FRMPD1: variants seen among roughly 807,000 people sequenced by gnomAD.
FRMPD1 encodes FERM and PDZ domain containing 1.
A neutral mutation model predicts 117.8 loss-of-function variants in FRMPD1; 76 were observed. That is an observed-to-expected ratio of 0.65 (90% confidence interval 0.54 to 0.78). FRMPD1 has a LOEUF of 0.78. Among genes scored for constraint, FRMPD1 ranks in the 30% least tolerant of loss-of-function variants. The pLI is 0.00. For synonymous variants in FRMPD1, 783 were observed against 770.4 expected (o/e 1.02, Z -0.27); for missense variants, 1,786 against 1,964.5 (o/e 0.91, Z 1.72).
At chr9:37,638,010 T>TTCTCTCTC in the FRMPD1 span, among the ~76,000 whole-genome samples, 4 of 124,198 alleles carry the variant, frequency 3.2e-5, no homozygotes, top group Non-Finnish European at 5.1e-5. Flanking sequence ...CTTTCTTTCT[T>TTCTCTCTC]TCTTTCTTTC....
chr9:37,625,817 T>C, the FRMPD1 span, among the ~76,000 whole-genome samples: 1 of 152,230 alleles, frequency 6.6e-6, no homozygotes, highest in Non-Finnish European at 1.5e-5. Context: ...GTGTCCACAG[T>C]TTGCTCCTCC....
At chr9:37,720,844 G>A (rs973447643) in intron 6 of FRMPD1, among the ~76,000 whole-genome samples, 3 of 152,338 alleles carry the variant, frequency 2.0e-5, no homozygotes, top group African/African-American at 7.2e-5. Context: ...CCGAGATTGC[G>A]CCACTGCGCT....
rs112433563 is a variant in FRMPD1 at position 37,709,360 on chromosome 9, C to T, written c.362+859C>T. Among the ~76,000 whole-genome samples, 26 of 114,720 alleles carry T rather than the reference C, an allele frequency of 2.3e-4. No homozygotes were observed. The East Asian group carries it at 5.8e-3, about 26-fold the overall frequency. 75.3% of individuals were successfully genotyped at this position (114,720 alleles called of 152,430 possible). A position where few individuals can be genotyped will look rare whatever the true frequency, so the allele number is the denominator to read the frequency against. On this transcript the variant is annotated intron_variant, in intron 4 of 15. Coordinates refer to ENST00000377765, the MANE Select transcript of FRMPD1 (RefSeq NM_014907.3). The stretch of plus-strand genomic sequence containing the variant: ...GGGGTGGTATTAATTGTTTTTTTTT[C>T]CCTTTTTTTTTGAGATGGGGACTTG...
chr9:37,622,456 C>T, the FRMPD1 span, among the ~76,000 whole-genome samples: 1 of 152,234 alleles, frequency 6.6e-6, no homozygotes, highest in South Asian at 2.1e-4. Flanking sequence ...AACCCTCACA[C>T]ATCAGAGAGA....
chr9:37,667,078 T>TTTTTTTTTTTTC (rs1588910743), intron 1 of FRMPD1, among the ~76,000 whole-genome samples: 1 of 149,356 alleles, frequency 6.7e-6, no homozygotes, highest in Non-Finnish European at 1.5e-5. Flanking sequence ...TTTTTTTTTT[T>TTTTTTTTTTTTC]CCTGAGACAG....
chr9:37,709,403 G>T (rs543955583), intron 4 of FRMPD1, among the ~76,000 whole-genome samples: 1 of 150,848 alleles, frequency 6.6e-6, no homozygotes, highest in South Asian at 2.1e-4. Flanking sequence ...GCCTAGGCTG[G>T]TCTCAAACTC....
intron 13 of FRMPD1, 34 bp downstream of exon 13, chr9:37,735,768 G>C (rs1254579015): frequency 6.5e-7 from 1 of 1,543,242 alleles, no homozygotes; most frequent in Admixed American, 1.7e-5. Context: ...GAATTCAACT[G>C]CTGGAATTTG....
upstream of FRMPD1, among the ~76,000 whole-genome samples, chr9:37,646,142 G>A (rs182486446): frequency 2.0e-5 from 3 of 152,288 alleles, no homozygotes; most frequent in African/African-American, 7.2e-5. Flanking sequence ...TAGTCCCTGA[G>A]TCTTGGCTCA....
chr9:37,658,507 T>G (rs976378522), intron 1 of FRMPD1, among the ~76,000 whole-genome samples: 1 of 152,188 alleles, frequency 6.6e-6, no homozygotes, highest in Non-Finnish European at 1.5e-5. Flanking sequence ...ACTGTGTCCT[T>G]GAACAGTTCT....
At position 37,735,666 on chromosome 9, in the gene FRMPD1, A is replaced by G; in HGVS notation, c.1333A>G (p.Ser445Gly). Residue 445 changes from serine to glycine, a missense_variant, in exon 13 of 16, where the codon AGC becomes GGC. Coordinates refer to ENST00000377765, the MANE Select transcript of FRMPD1 (RefSeq NM_014907.3). The part of the protein sequence containing the change: ...MSTLAEFANI[S>G]RVELTEESEK... Reference sequence around the variant, plus strand: ...CACATTGGCAGAGTTTGCAAACATCAGCCGTGTAGAGCTAACGGAAGAGTC... The same window carrying G: ...CACATTGGCAGAGTTTGCAAACATCGGCCGTGTAGAGCTAACGGAAGAGTC... The G allele has an allele frequency of 1.9e-6, 3 of 1,613,992 alleles. No individual in the cohort carries two copies. The highest frequency in any genetic ancestry group is 2.5e-6 in the Non-Finnish European group (3 of 1,179,866).
chr9:37,629,518 C>G, the FRMPD1 span, among the ~76,000 whole-genome samples: 23,761 of 152,172 alleles, frequency 0.16, 2,576 homozygotes, highest in East Asian at 0.58. Context: ...ATTGTAGGCA[C>G]GCCAATTGCA....
intron 1 of FRMPD1, among the ~76,000 whole-genome samples, chr9:37,668,985 T>G (rs1338660555): frequency 6.6e-6 from 1 of 152,184 alleles, no homozygotes; most frequent in African/African-American, 2.4e-5. Context: ...GGCTAGAGAC[T>G]TTCACGTTGA....
chr9:37,646,548 A>G (rs1195444015), upstream of FRMPD1, among the ~76,000 whole-genome samples: 6 of 152,248 alleles, frequency 3.9e-5, no homozygotes, highest in Non-Finnish European at 5.9e-5. Flanking sequence ...ATCTGCAGGC[A>G]TTAAAATTGC....
intron 7 of FRMPD1, among the ~76,000 whole-genome samples, chr9:37,729,027 A>G (rs1823742024): frequency 6.6e-6 from 1 of 151,594 alleles, no homozygotes; most frequent in East Asian, 1.9e-4. Context: ...CTGTCTAGTA[A>G]GCAGTCAAAG....
At chr9:37,696,565 T>C (rs2118064558) in intron 2 of FRMPD1, among the ~76,000 whole-genome samples, 1 of 152,340 alleles carries the variant, frequency 6.6e-6, no homozygotes, top group East Asian at 1.9e-4. Flanking sequence ...GAATTTTTAA[T>C]GATTACAGTT....
Position 37,744,849 on chromosome 9 carries a change from T to C in FRMPD1, c.2817T>C (p.Ser939=). 6.2e-7 allele frequency: 1 copy of C among 1,614,048 alleles called. No individual in the cohort carries two copies. Among genetic ancestry groups the C allele is most frequent in the Non-Finnish European group, 8.5e-7 (1 of 1,179,910 alleles). Residue 939 remains serine, a synonymous_variant, in exon 16 of 16, where the codon TCT becomes TCC. Coordinates refer to ENST00000377765, the MANE Select transcript of FRMPD1 (RefSeq NM_014907.3). The part of the protein sequence containing the change: ...ETKSVIDSRV[S]SISAIRFRID... ...AATCAGTCATCGACTCTCGAGTGTC[T>C]TCTATTTCTGCCATTCGCTTCCGGA...
intron 1 of FRMPD1, among the ~76,000 whole-genome samples, chr9:37,679,716 C>T (rs28716551): frequency 0.17 from 26,532 of 152,182 alleles, 2,608 homozygotes; most frequent in Non-Finnish European, 0.22. Context: ...AAAACAGACA[C>T]GGAGGGAAGG....
At chr9:37,701,631 T>A (rs963219931) in intron 2 of FRMPD1, among the ~76,000 whole-genome samples, 6 of 152,002 alleles carry the variant, frequency 3.9e-5, no homozygotes, top group African/African-American at 1.5e-4. Flanking sequence ...CTAGTTTGAC[T>A]GGAACAAAAA....
intron 12 of FRMPD1, 136 bp from the exon 13 acceptor site, chr9:37,735,416 A>C (rs1824072976): frequency 1.5e-6 from 1 of 662,546 alleles, no homozygotes; most frequent in Non-Finnish European, 2.7e-6. Flanking sequence ...CAAGTTAGGC[A>C]ATAGTCTGGA....
Sources: gnomAD v4.1 joint callset for allele counts (sites outside exome capture counted in the v4.1 genomes callset) on GRCh38, gnomAD v4.1.1 for gene constraint, MANE v1.5 for transcripts, NCBI Gene and HGNC (gene_info 2026-07-23, HGNC 2026-07-21) for gene names.